Variants in CHN2 observed in about 807,000 individuals in gnomAD.
CHN2 encodes chimerin 2.
Under a neutral mutation model 56.3 loss-of-function variants are expected in CHN2, and 35 were observed. The observed-to-expected ratio is 0.62, with a 90% confidence interval of 0.47 to 0.82. The LOEUF (loss-of-function observed/expected upper bound fraction) is 0.82. Ranked by LOEUF, CHN2 falls within the 40% of genes least tolerant of loss-of-function variation. CHN2 has a pLI of 0.00. For missense variants in CHN2, 491 were observed against 580.5 expected, an observed-to-expected ratio of 0.85 and a Z score of 1.58; for synonymous variants, 210 against 212.8, an observed-to-expected ratio of 0.99 and a Z score of 0.12.
chr7:29,468,652 C>T (rs1171059658), intron 6 of CHN2, among the ~76,000 whole-genome samples: 1 of 152,110 alleles, frequency 6.6e-6, no homozygotes, highest in Non-Finnish European at 1.5e-5. Context: ...AGTCTCTGAT[C>T]CAAGTGCTCT....
At chr7:29,475,492 C>T (rs928278497) in intron 6 of CHN2, among the ~76,000 whole-genome samples, 1 of 152,098 alleles carries the variant, frequency 6.6e-6, no homozygotes, top group African/African-American at 2.4e-5. Flanking sequence ...ACTGTTTAAA[C>T]AATATTTAAA....
At chr7:29,465,485 CCTG>C (rs1298733540) in intron 6 of CHN2, among the ~76,000 whole-genome samples, 2 of 152,166 alleles carry the variant, frequency 1.3e-5, no homozygotes, top group Admixed American at 6.5e-5. Context: ...CTCTGAGGAA[CCTG>C]CTATTACAAT....
At chr7:29,171,667 A>C (rs1440329104) in intron 2 of CHN2, among the ~76,000 whole-genome samples, 1 of 152,226 alleles carries the variant, frequency 6.6e-6, no homozygotes, top group Non-Finnish European at 1.5e-5. Context: ...TGAACAATTC[A>C]GAGTATAGCA....
intron 1 of CHN2, among the ~76,000 whole-genome samples, chr7:29,205,759 C>T (rs1784474082): frequency 1.3e-5 from 2 of 152,120 alleles, no homozygotes; most frequent in African/African-American, 4.8e-5. Flanking sequence ...TTAGCTCAGT[C>T]AATCCAAGGA....
intron 3 of CHN2, among the ~76,000 whole-genome samples, chr7:29,384,134 GGTGTGATGA>G (rs1222223373): frequency 1.3e-5 from 2 of 152,162 alleles, no homozygotes; most frequent in Non-Finnish European, 2.9e-5. Context: ...TGAGCCATTA[GGTGTGATGA>G]GTGTGATGAG....
chr7:29,433,456 A>C (rs1171376420), intron 6 of CHN2, among the ~76,000 whole-genome samples: 1 of 152,224 alleles, frequency 6.6e-6, no homozygotes, highest in Non-Finnish European at 1.5e-5. Context: ...TTTAATGGAT[A>C]TAGATTTTTT....
At chr7:29,215,157 A>G (rs147868346) in intron 1 of CHN2, among the ~76,000 whole-genome samples, 339 of 152,320 alleles carry the variant, frequency 2.2e-3, no homozygotes, top group Non-Finnish European at 4.1e-3. Context: ...GAACTTGTGA[A>G]GTCATTAACA....
chr7:29,370,580 C>T (rs886869734), intron 3 of CHN2, among the ~76,000 whole-genome samples: 14 of 152,082 alleles, frequency 9.2e-5, no homozygotes, highest in African/African-American at 2.9e-4. Context: ...TGGTCCCTAG[C>T]GTGGTAGCTC....
intron 1 of CHN2, among the ~76,000 whole-genome samples, chr7:29,219,169 T>A (rs542116702): frequency 6.6e-6 from 1 of 152,262 alleles, no homozygotes; most frequent in African/African-American, 2.4e-5. Flanking sequence ...AAGGCCAAAT[T>A]ATACTCATGT....
chr7:29,481,801 A>G (rs1481239776), intron 7 of CHN2, among the ~76,000 whole-genome samples: 2 of 151,800 alleles, frequency 1.3e-5, no homozygotes, highest in African/African-American at 2.4e-5. Context: ...GAGAGGATGG[A>G]TCTTCATGGA....
intron 1 of CHN2, among the ~76,000 whole-genome samples, chr7:29,257,462 G>C (rs1397877760): frequency 6.6e-6 from 1 of 152,152 alleles, no homozygotes; most frequent in African/African-American, 2.4e-5. Flanking sequence ...TGTTCTGACT[G>C]CTCCCTCTCC....
intron 2 of CHN2, among the ~76,000 whole-genome samples, chr7:29,181,862 G>T (rs190912842): frequency 2.0e-5 from 3 of 151,990 alleles, no homozygotes; most frequent in African/African-American, 7.3e-5. Context: ...AATTCCTAAG[G>T]GGGGGAAAAG....
At position 29,294,118 on chromosome 7, in the gene CHN2, G is replaced by T. The variant is rs1343947901; in HGVS notation, c.50-60507G>T. 3.3e-5 allele frequency among the ~76,000 whole-genome samples: 5 copies of T among 151,952 alleles called. No individual in the cohort carries two copies. In the South Asian group the frequency reaches 1.0e-3, roughly 32 times the overall value. On this transcript the variant is annotated intron_variant, in intron 1 of 12. Transcript: ENST00000222792. ...CCTGACCTCGTGATCTGCCCGCCTC[G>T]GCCTCCCAAAGTGCTGGGATTACAG...
At position 29,472,628 on chromosome 7, in the gene CHN2, A is replaced by G. The variant is rs1034549562; in HGVS notation, c.577-7651A>G. On this transcript the variant is annotated intron_variant, in intron 6 of 12. Coordinates refer to ENST00000222792, the MANE Select transcript of CHN2 (RefSeq NM_004067.4). ...ATGCTAACTCTTCATAAAAGTCGAA[A>G]TCATTTCTGATGGAAGGAAAGGAAG... Among the ~76,000 whole-genome samples the G allele has an allele frequency of 3.9e-5, 6 of 152,268 alleles. No homozygotes were observed. In the East Asian group the frequency reaches 5.8e-4, roughly 15 times the overall value.
intron 1 of CHN2, among the ~76,000 whole-genome samples, chr7:29,263,002 CT>C (rs1369286705): frequency 6.6e-6 from 1 of 152,136 alleles, no homozygotes; most frequent in Non-Finnish European, 1.5e-5. Flanking sequence ...ATAAGAATCC[CT>C]TCTCCCCTCT....
intron 1 of CHN2, among the ~76,000 whole-genome samples, chr7:29,206,796 T>C (rs1439042251): frequency 6.6e-6 from 1 of 152,050 alleles, no homozygotes; most frequent in Non-Finnish European, 1.5e-5. Context: ...GCTGTATACA[T>C]GCTACACCAG....
intron 1 of CHN2, among the ~76,000 whole-genome samples, chr7:29,337,972 C>G (rs766640616): frequency 1.3e-5 from 2 of 152,174 alleles, no homozygotes; most frequent in Admixed American, 6.5e-5. Flanking sequence ...GGCTCCCAGT[C>G]TCAGGAGGCT....
intron 1 of CHN2, among the ~76,000 whole-genome samples, chr7:29,297,143 G>A (rs1190571043): frequency 6.6e-6 from 1 of 152,186 alleles, no homozygotes; most frequent in East Asian, 1.9e-4. Flanking sequence ...GGGGAAACAG[G>A]GACCCTCAGC....
intron 3 of CHN2, among the ~76,000 whole-genome samples, chr7:29,373,683 A>G (rs1799799078): frequency 6.6e-6 from 1 of 152,104 alleles, no homozygotes; most frequent in Non-Finnish European, 1.5e-5. Flanking sequence ...AAAGCATTCC[A>G]TTTCTTCATT....
Sources: gnomAD v4.1 joint callset for allele counts (sites outside exome capture counted in the v4.1 genomes callset) on GRCh38, gnomAD v4.1.1 for gene constraint, MANE v1.5 for transcripts, NCBI Gene and HGNC (gene_info 2026-07-23, HGNC 2026-07-21) for gene names.